MMP16: variants seen among roughly 807,000 people sequenced by gnomAD.
MMP16 encodes the protein matrix metallopeptidase 16.
Under a neutral mutation model 67.8 loss-of-function variants are expected in MMP16, and 12 were observed. The observed-to-expected ratio is 0.18, with a 90% CI of 0.11 to 0.29. MMP16 has a LOEUF of 0.29. MMP16 is among the 10% of genes least tolerant of loss of function. MMP16 has a pLI of 1.00. For synonymous variants in MMP16, 249 were observed against 255.9 expected (o/e 0.97, Z 0.26); for missense variants, 475 against 765.7 (o/e 0.62, Z 4.48).
In MMP16 at chr8:88,034,869, C is replaced by T. The variant is rs761666734; in HGVS notation, c.*6592G>A. ...ACATTCATATAAAAGGTGGCAAGTA[C>T]AAGCAGCACCATATCCTATCCTAGG... On this transcript the variant is annotated 3_prime_UTR_variant, in exon 10 of 10. Coordinates refer to ENST00000286614, the MANE Select transcript of MMP16 (RefSeq NM_005941.5). 1 of 151,948 alleles carries T rather than the reference C, an allele frequency of 6.6e-6. No homozygotes were observed. Among genetic ancestry groups the T allele is most frequent in the Non-Finnish European group, 1.5e-5 (1 of 67,932 alleles). 9.4% of individuals were successfully genotyped at this position (151,948 alleles called of 1,614,324 possible).
intron 3 of MMP16, among the ~76,000 whole-genome samples, chr8:88,185,446 GA>G (rs972471276): frequency 6.7e-6 from 1 of 148,860 alleles, no homozygotes; most frequent in African/African-American, 2.5e-5. Flanking sequence ...GTGATGGAAA[GA>G]AAAAAAAACG....
chr8:88,063,337 G>A (rs555404038), intron 7 of MMP16, among the ~76,000 whole-genome samples: 1 of 152,044 alleles, frequency 6.6e-6, no homozygotes. Context: ...ACCAGGAGCT[G>A]CAGAAACACT....
At chr8:88,281,339 G>C (rs1411534814) in intron 1 of MMP16, among the ~76,000 whole-genome samples, 1 of 152,154 alleles carries the variant, frequency 6.6e-6, no homozygotes, top group Non-Finnish European at 1.5e-5. Context: ...ATGAGCTCAA[G>C]GGTTAAGAGA....
intron 2 of MMP16, among the ~76,000 whole-genome samples, chr8:88,193,129 C>T (rs1323096526): frequency 6.6e-6 from 1 of 152,102 alleles, no homozygotes; most frequent in Non-Finnish European, 1.5e-5. Context: ...GGACTATTCA[C>T]AACAGCTAAG....
intron 6 of MMP16, among the ~76,000 whole-genome samples, chr8:88,079,869 T>C (rs939226738): frequency 6.6e-6 from 1 of 152,170 alleles, no homozygotes; most frequent in Non-Finnish European, 1.5e-5. Flanking sequence ...GTCCTCACCT[T>C]ACATAGAATC....
chr8:88,207,695 T>TAA (rs34890040), intron 1 of MMP16, among the ~76,000 whole-genome samples: 211 of 146,044 alleles, frequency 1.4e-3, no homozygotes, highest in African/African-American at 3.4e-3. Context: ...GGACCATTGT[T>TAA]AAAAAAAAAA....
At chr8:88,325,951 G>A (rs974265947) in intron 1 of MMP16, among the ~76,000 whole-genome samples, 1 of 152,102 alleles carries the variant, frequency 6.6e-6, no homozygotes, top group African/African-American at 2.4e-5. Context: ...TTGGTTACAT[G>A]AAGCATGTTC....
chr8:88,265,859 G>A (rs909987324), intron 1 of MMP16, among the ~76,000 whole-genome samples: 1 of 151,752 alleles, frequency 6.6e-6, no homozygotes, highest in Non-Finnish European at 1.5e-5. Flanking sequence ...GTAGGTGAAA[G>A]CAAATCTACA....
chr8:88,164,335 T>C (rs1808677854), intron 4 of MMP16, among the ~76,000 whole-genome samples: 1 of 151,748 alleles, frequency 6.6e-6, no homozygotes, highest in South Asian at 2.1e-4. Context: ...TCCATGAAGA[T>C]GTCAGATTTG....
At chr8:88,176,670 T>G (rs575249306) in intron 3 of MMP16, among the ~76,000 whole-genome samples, 2 of 152,218 alleles carry the variant, frequency 1.3e-5, no homozygotes, top group Admixed American at 1.3e-4. Context: ...GTAGATGAGA[T>G]AGTGAATCCT....
chr8:88,156,343 C>T (rs908434302), intron 4 of MMP16, among the ~76,000 whole-genome samples: 1 of 150,528 alleles, frequency 6.6e-6, no homozygotes, highest in Non-Finnish European at 1.5e-5. Context: ...TCCTTATGCC[C>T]ACAGTCTTCT....
chr8:88,321,594 T>C (rs1243635065), intron 1 of MMP16, among the ~76,000 whole-genome samples: 5 of 152,146 alleles, frequency 3.3e-5, no homozygotes, highest in African/African-American at 1.2e-4. Flanking sequence ...ACATGTTAGA[T>C]TTAAGTTACA....
At chr8:88,263,343 A>G (rs1237338075) in intron 1 of MMP16, among the ~76,000 whole-genome samples, 1 of 152,186 alleles carries the variant, frequency 6.6e-6, no homozygotes, top group African/African-American at 2.4e-5. Flanking sequence ...CACAGTATAT[A>G]TAAACTGTTC....
intron 4 of MMP16, among the ~76,000 whole-genome samples, chr8:88,138,620 G>T (rs567543226): frequency 2.0e-5 from 3 of 151,944 alleles, no homozygotes; most frequent in African/African-American, 7.2e-5. Flanking sequence ...ATCTCCAGAA[G>T]ATTCCTAAAA....
At chr8:88,147,073 T>C (rs145988041) in intron 4 of MMP16, among the ~76,000 whole-genome samples, 1 of 152,208 alleles carries the variant, frequency 6.6e-6, no homozygotes, top group African/African-American at 2.4e-5. Context: ...AGTTCAATTA[T>C]ATTCATTGTG....
intron 7 of MMP16, among the ~76,000 whole-genome samples, chr8:88,071,379 C>A (rs1306809188): frequency 6.6e-6 from 1 of 151,476 alleles, no homozygotes; most frequent in South Asian, 2.1e-4. Flanking sequence ...TTAGGAAATA[C>A]AGAGTTAAAT....
chr8:88,285,955 T>C (rs577844675), intron 1 of MMP16, among the ~76,000 whole-genome samples: 1 of 152,298 alleles, frequency 6.6e-6, no homozygotes, highest in East Asian at 1.9e-4. Context: ...AAAGCCAGCT[T>C]CATATCCCAT....
In MMP16 at chr8:88,041,165, TTTAG is replaced by T. The variant is rs1263612174; in HGVS notation, c.*292_*295del. On this transcript the variant is annotated 3_prime_UTR_variant, in exon 10 of 10. Transcript: ENST00000286614. This position sits in a 1 kb window ranked among gnomAD's most constrained non-coding sequence, Gnocchi z 6.0. ...ATCTTTTCTTCTTTTTCTCCTCTTCTTTAGTTAATCCTGAAATTTTACTGGGCAT... is the reference window on the plus strand; with the variant it reads ...ATCTTTTCTTCTTTTTCTCCTCTTCTTTAATCCTGAAATTTTACTGGGCAT... The T allele has an allele frequency of 3.6e-6, 1 of 277,078 alleles. No homozygotes were observed. Among genetic ancestry groups the T allele is most frequent in the Non-Finnish European group, 6.7e-6 (1 of 149,666 alleles). The allele number at this position is 277,078 out of a possible 1,614,324, so 17.2% of individuals were successfully genotyped here.
At position 88,327,241 on chromosome 8, in the gene MMP16, C is replaced by T. The variant is rs1277263144; in HGVS notation, c.-35G>A. Reference sequence around the variant, plus strand: ...TGCTTCAATGGATGGACGAGCTCCCCTTCGTTTTCTCCCTCTCTCCCTCTC... The same window carrying T: ...TGCTTCAATGGATGGACGAGCTCCCTTTCGTTTTCTCCCTCTCTCCCTCTC... On this transcript the variant is annotated 5_prime_UTR_variant, in exon 1 of 10. Transcript: ENST00000286614. The T allele has an allele frequency of 1.2e-6, 2 of 1,612,706 alleles. No homozygotes were observed. The highest frequency in any genetic ancestry group is 4.5e-5 in the East Asian group (2 of 44,814).
Sources: gnomAD v4.1 joint callset for allele counts (sites outside exome capture counted in the v4.1 genomes callset) on GRCh38, gnomAD v4.1.1 for gene constraint, Gnocchi (gnomAD v3.1) non-coding constraint, MANE v1.5 for transcripts, NCBI Gene and HGNC (gene_info 2026-07-23, HGNC 2026-07-21) for gene names.